PTPN21: variants seen among roughly 807,000 people sequenced by gnomAD.
PTPN21 encodes tyrosine-protein phosphatase non-receptor type 21.
Under a neutral mutation model 131.8 loss-of-function variants are expected in PTPN21, and 77 were observed. The observed-to-expected ratio is 0.58, with a 90% CI of 0.49 to 0.71. PTPN21 has a LOEUF of 0.71. Among genes scored for constraint, PTPN21 ranks in the 30% least tolerant of loss-of-function variants. The pLI is 0.00. For synonymous variants in PTPN21, 715 were observed against 621.3 expected, an observed-to-expected ratio of 1.15 and a Z score of -2.24; for missense variants, 1,552 against 1,527.1, an observed-to-expected ratio of 1.02 and a Z score of -0.27.
At position 88,468,960 on chromosome 14, in the gene PTPN21, C is replaced by A. The variant is rs181544048; in HGVS notation, c.3352G>T (p.Val1118Leu). 1 of 1,614,230 alleles carries A rather than the reference C, an allele frequency of 6.2e-7. No individual in the cohort carries two copies. Among genetic ancestry groups the A allele is most frequent in the Non-Finnish European group, 8.5e-7 (1 of 1,180,032 alleles). Residue 1118 changes from valine (V) to leucine (L), a missense_variant, in exon 18 of 19, where the codon GTG becomes TTG. By Grantham distance (32) the Val-to-Leu change is conservative (BLOSUM62 1). Around this residue, in one of 4 missense-constraint regions of PTPN21, gnomAD observed 316 missense variants for 378.5 expected, o/e 0.83. Transcript: ENST00000556564. ...GCGATCATGATCTCCGACAAAATCA[C>A]CACGCCAGTCCTTCCTACCCCAGCA... is the stretch of plus-strand genomic sequence containing the variant. Reference protein sequence around the residue: ...CSAGVGRTGVVILSEIMIACL... With the variant: ...CSAGVGRTGVLILSEIMIACL...
chr14:88,508,025 A>T lies in PTPN21; in HGVS notation c.351-5T>A. 1 of 1,506,266 alleles carries T rather than the reference A, an allele frequency of 6.6e-7. No homozygotes were observed. Among genetic ancestry groups the T allele is most frequent in the Non-Finnish European group, 9.2e-7 (1 of 1,090,416 alleles). 93.3% of individuals were successfully genotyped at this position (1,506,266 alleles called of 1,614,324 possible). On this transcript the variant is annotated splice_region_variant and splice_polypyrimidine_tract_variant and intron_variant, in intron 3 of 18. Coordinates refer to ENST00000556564, the MANE Select transcript of PTPN21 (RefSeq NM_007039.4). ...AGTTGCAGATAATACTGATACCTAT[A>T]AAAAATGTCAGTTGTATAAGGTCAA...
intron 4 of PTPN21, 90 bp from the exon 5 acceptor site, chr14:88,505,461 T>C (rs2139282714): frequency 2.5e-6 from 2 of 799,946 alleles, no homozygotes; most frequent in Non-Finnish European, 4.1e-6. Flanking sequence ...TATATCTAGA[T>C]GGTATGCTAA....
chr14:88,523,716 G>GAC (rs71126989), intron 2 of PTPN21, among the ~76,000 whole-genome samples: 5,340 of 144,456 alleles, frequency 0.037, 118 homozygotes, highest in East Asian at 0.069. Context: ...CCCCAACCGT[G>GAC]ACACACACAC....
At chr14:88,481,365 T>C (rs73314156) in intron 12 of PTPN21, among the ~76,000 whole-genome samples, 5,628 of 152,214 alleles carry the variant, frequency 0.037, 351 homozygotes, top group African/African-American at 0.13. Context: ...CTTTCCTCAT[T>C]TATGCAAAGC....
chr14:88,524,434 A>G (rs900173631), intron 2 of PTPN21, among the ~76,000 whole-genome samples: 5 of 152,064 alleles, frequency 3.3e-5, no homozygotes, highest in Non-Finnish European at 5.9e-5. Context: ...GAAAGAATGA[A>G]GTTGGATCCC....
At chr14:88,524,497 T>C (rs1595399749) in intron 2 of PTPN21, among the ~76,000 whole-genome samples, 2 of 152,158 alleles carry the variant, frequency 1.3e-5, no homozygotes, top group African/African-American at 4.8e-5. Context: ...ACCCGTAAAA[T>C]AGTTTAGAAG....
rs548678817 is a variant in PTPN21, at chr14:88,479,419, A to C, written c.2012T>G (p.Val671Gly). The change falls in exon 13 of 19, where the codon GTG (valine) becomes GGG (glycine). Residue 671 changes from valine to glycine, a missense_variant. This residue lies in a region of PTPN21 where 1,016 missense variants were observed against 883.5 expected (regional missense o/e 1.15). Coordinates refer to ENST00000556564, the MANE Select transcript of PTPN21 (RefSeq NM_007039.4). The stretch of plus-strand genomic sequence containing the variant: ...GGTGAAAACGCTGGGCTGGGAGCCC[A>C]CCGAGACGGCTCGCGGCGCCACCTC... Reference protein sequence around the residue: ...AAEVAPRAVSVGSQPSVFTER... With the variant: ...AAEVAPRAVSGGSQPSVFTER... The C allele has an allele frequency of 6.2e-7, 1 of 1,602,636 alleles. No homozygotes were observed. Among genetic ancestry groups the C allele is most frequent in the South Asian group, 1.1e-5 (1 of 91,036 alleles).
chr14:88,519,950 G>A (rs1020677552), intron 2 of PTPN21, among the ~76,000 whole-genome samples: 8 of 152,162 alleles, frequency 5.3e-5, no homozygotes, highest in Non-Finnish European at 1.5e-5. Context: ...CTCAAAGCCA[G>A]TGTTTCCCCC....
intron 3 of PTPN21, among the ~76,000 whole-genome samples, chr14:88,509,329 C>T (rs7151164): frequency 0.35 from 52,785 of 152,080 alleles, 9,751 homozygotes; most frequent in African/African-American, 0.48. Context: ...TCCTCCGTAT[C>T]TGGTGCCTGT....
At chr14:88,474,151 A>C (rs993510938) in intron 13 of PTPN21, among the ~76,000 whole-genome samples, 4 of 136,102 alleles carry the variant, frequency 2.9e-5, no homozygotes, top group South Asian at 2.1e-4. Context: ...AAAAAAAAAA[A>C]AAAACAAAAG....
chr14:88,485,855 A>G lies in PTPN21; in HGVS notation c.933-13T>C, dbSNP rs1383910343. 6.4e-7 allele frequency: 1 copy of G among 1,573,842 alleles called. No individual in the cohort carries two copies. The highest frequency in any genetic ancestry group is 1.1e-5 in the South Asian group (1 of 89,518). Reference sequence around the variant, plus strand: ...AGTCTGAGTTTGCCTATAAAATAGGATGACTCTGAGAAGAGCACATACACA... The same window carrying G: ...AGTCTGAGTTTGCCTATAAAATAGGGTGACTCTGAGAAGAGCACATACACA... On this transcript the variant is annotated splice_polypyrimidine_tract_variant and intron_variant, in intron 10 of 18. Coordinates refer to ENST00000556564, the MANE Select transcript of PTPN21 (RefSeq NM_007039.4).
intron 3 of PTPN21, among the ~76,000 whole-genome samples, chr14:88,512,081 T>A (rs1356489608): frequency 6.6e-6 from 1 of 152,142 alleles, no homozygotes; most frequent in Non-Finnish European, 1.5e-5. Flanking sequence ...TTAAGTATAG[T>A]CACCCCATCT....
chr14:88,468,411 T>G lies in PTPN21; in HGVS notation c.3397-146A>C. Reference sequence around the variant, plus strand: ...AGCGTCTTCTAGAAATAAGCCATGATTGCCTACTTCTGATTTTCTGATTAG... The same window carrying G: ...AGCGTCTTCTAGAAATAAGCCATGAGTGCCTACTTCTGATTTTCTGATTAG... On this transcript the variant is annotated intron_variant, in intron 18 of 18. Transcript: ENST00000556564. The G allele has an allele frequency of 4.0e-6, 3 of 754,780 alleles. No homozygotes were observed. In the South Asian group the frequency reaches 6.4e-5, roughly 16 times the overall value. 46.8% of individuals were successfully genotyped at this position (754,780 alleles called of 1,614,324 possible).
chr14:88,552,550 T>G (rs2139373235), intron 1 of PTPN21: 1 of 152,212 alleles, frequency 6.6e-6, no homozygotes, highest in African/African-American at 2.4e-5. Context: ...TCTGGTTATT[T>G]CCCATAGCCA....
chr14:88,544,324 C>T (rs1465325333), intron 2 of PTPN21, among the ~76,000 whole-genome samples: 4 of 151,644 alleles, frequency 2.6e-5, no homozygotes, highest in African/African-American at 9.7e-5. Flanking sequence ...CCAGCCTGGG[C>T]AACAGAGCAA....
At chr14:88,511,119 T>A (rs1395190705) in intron 3 of PTPN21, among the ~76,000 whole-genome samples, 1 of 152,010 alleles carries the variant, frequency 6.6e-6, no homozygotes. Flanking sequence ...TCTCTCTATG[T>A]TGCCTGGGCT....
intron 2 of PTPN21, among the ~76,000 whole-genome samples, chr14:88,522,715 T>C (rs769777128): frequency 6.6e-6 from 1 of 152,194 alleles, no homozygotes; most frequent in African/African-American, 2.4e-5. Flanking sequence ...ATTTCTAAAA[T>C]TGCTGCTAGA....
intron 10 of PTPN21, among the ~76,000 whole-genome samples, chr14:88,488,915 C>T (rs1284876040): frequency 1.3e-5 from 2 of 152,168 alleles, no homozygotes; most frequent in African/African-American, 4.8e-5. Flanking sequence ...ACATGATTAT[C>T]TCGTGGAATG....
intron 1 of PTPN21, chr14:88,551,903 A>G (rs898853159): frequency 1.3e-5 from 2 of 152,250 alleles, no homozygotes; most frequent in African/African-American, 4.8e-5. Flanking sequence ...GGGGATTTTT[A>G]TATCAGCTGG....
Sources: allele counts gnomAD v4.1 joint callset (sites outside exome capture counted in the v4.1 genomes callset), GRCh38; gene constraint gnomAD v4.1.1; regional missense constraint gnomAD v4.1.1; transcripts MANE v1.5; gene names NCBI Gene and HGNC (gene_info 2026-07-23, HGNC 2026-07-21).